GALNT17: variants seen among roughly 807,000 people sequenced by gnomAD.
GALNT17 encodes the protein UDP-GalNAc:polypeptide N-acetylgalactosaminyltransferase-like 3.
In GALNT17, 29 loss-of-function variants were observed where a neutral mutation model predicts 63.7. That is an observed-to-expected ratio of 0.46 (90% confidence interval 0.34 to 0.62). The LOEUF (loss-of-function observed/expected upper bound fraction) is 0.62, where lower values mean the gene tolerates loss of function less well. Ranked by LOEUF, GALNT17 falls within the 20% of genes least tolerant of loss-of-function variation. The probability of loss-of-function intolerance (pLI) is 0.01; values close to 1 mark genes in which losing one functional copy is unlikely to be tolerated. For missense variants in GALNT17, 603 were observed against 799.6 expected (o/e 0.75, Z 2.97); for synonymous variants, 305 against 318.3 (o/e 0.96, Z 0.45).
chr7:71,304,258 C>G (rs533746404), intron 1 of GALNT17, among the ~76,000 whole-genome samples: 5 of 152,300 alleles, frequency 3.3e-5, no homozygotes, highest in African/African-American at 1.2e-4. Context: ...ACATTTACAA[C>G]GTGCCAGCAT....
At chr7:71,175,149 C>CTTCT (rs113351935) in intron 1 of GALNT17, among the ~76,000 whole-genome samples, 57 of 151,640 alleles carry the variant, frequency 3.8e-4, no homozygotes, top group African/African-American at 1.3e-3. Flanking sequence ...TCCATCCATT[C>CTTCT]TTCTTTCTTT....
chr7:71,598,583 G>A (rs1323417524), intron 6 of GALNT17, among the ~76,000 whole-genome samples: 1 of 152,178 alleles, frequency 6.6e-6, no homozygotes, highest in Non-Finnish European at 1.5e-5. Flanking sequence ...CAGATAGAAA[G>A]ACCTAGGAGA....
chr7:71,618,289 C>T (rs971730098), intron 6 of GALNT17, among the ~76,000 whole-genome samples: 2 of 152,144 alleles, frequency 1.3e-5, no homozygotes, highest in Non-Finnish European at 2.9e-5. Flanking sequence ...GTGCAGGTGT[C>T]TTTTTGGTAG....
At chr7:71,638,725 C>T (rs1183971622) in intron 6 of GALNT17, among the ~76,000 whole-genome samples, 2 of 152,226 alleles carry the variant, frequency 1.3e-5, no homozygotes, top group Non-Finnish European at 1.5e-5. Context: ...ACCTGCCATC[C>T]AAAGAGTAGG....
chr7:71,331,477 G>A (rs1791807161), intron 1 of GALNT17, among the ~76,000 whole-genome samples: 1 of 152,146 alleles, frequency 6.6e-6, no homozygotes, highest in South Asian at 2.1e-4. Flanking sequence ...GGAGGCCAAG[G>A]TGGGAGAATC....
At chr7:71,583,261 A>G (rs12533263) in intron 6 of GALNT17, among the ~76,000 whole-genome samples, 71,964 of 151,836 alleles carry the variant, frequency 0.47, 20,245 homozygotes, top group East Asian at 0.75. Context: ...CGCCCGGCTA[A>G]TTTTTTGTAT....
At chr7:71,685,696 C>CCCTGG (rs1791343024) in intron 9 of GALNT17, 1 of 152,074 alleles carries the variant, frequency 6.6e-6, no homozygotes, top group Non-Finnish European at 1.5e-5. Context: ...GCTGAATCAA[C>CCCTGG]CCTGGCGATC....
intron 6 of GALNT17, among the ~76,000 whole-genome samples, chr7:71,655,480 C>G (rs988726999): frequency 6.6e-6 from 1 of 152,136 alleles, no homozygotes; most frequent in Non-Finnish European, 1.5e-5. Context: ...GCAGCCTCTG[C>G]GGTCTGCTGT....
chr7:71,586,713 G>T (rs562299466), intron 6 of GALNT17, among the ~76,000 whole-genome samples: 1 of 151,288 alleles, frequency 6.6e-6, no homozygotes, highest in East Asian at 1.9e-4. Flanking sequence ...ACACTGAAAG[G>T]ATTCTTTTAT....
chr7:71,711,463 A>G (rs993296527), intron 10 of GALNT17, among the ~76,000 whole-genome samples: 1 of 151,954 alleles, frequency 6.6e-6, no homozygotes, highest in African/African-American at 2.4e-5. Flanking sequence ...GCCAGGCGCC[A>G]TGATAGTTAA....
chr7:71,276,229 G>A (rs1400022123), intron 1 of GALNT17, among the ~76,000 whole-genome samples: 1 of 152,156 alleles, frequency 6.6e-6, no homozygotes, highest in Non-Finnish European at 1.5e-5. Context: ...AGGGCAGGTG[G>A]CTGCAGGGGT....
At chr7:71,453,900 A>G (rs1010316692) in intron 5 of GALNT17, among the ~76,000 whole-genome samples, 3 of 152,014 alleles carry the variant, frequency 2.0e-5, no homozygotes, top group African/African-American at 7.2e-5. Context: ...TGGTTCTGGC[A>G]TTCCAGCTCC....
At chr7:71,526,813 C>G (rs1405708876) in intron 5 of GALNT17, among the ~76,000 whole-genome samples, 2 of 152,168 alleles carry the variant, frequency 1.3e-5, no homozygotes, top group Non-Finnish European at 2.9e-5. Context: ...TGCACCTGGC[C>G]AATTACGTGT....
chr7:71,430,243 GA>G (rs1786837448), intron 5 of GALNT17, among the ~76,000 whole-genome samples: 1 of 152,158 alleles, frequency 6.6e-6, no homozygotes, highest in East Asian at 1.9e-4. Context: ...TATATATGGG[GA>G]AAAGAGTGAG....
chr7:71,403,968 A>C (rs946748820), intron 3 of GALNT17, among the ~76,000 whole-genome samples: 2 of 152,196 alleles, frequency 1.3e-5, no homozygotes, highest in Admixed American at 1.3e-4. Flanking sequence ...CCTGTAGACA[A>C]ATTTGATTGC....
intron 1 of GALNT17, among the ~76,000 whole-genome samples, chr7:71,147,078 C>T (rs1788037890): frequency 1.3e-5 from 2 of 152,132 alleles, no homozygotes; most frequent in Admixed American, 6.6e-5. Flanking sequence ...TACTTTATTT[C>T]TAGGGACCAA....
In GALNT17 at chr7:71,538,190, G is replaced by C. The variant is rs547396015; in HGVS notation, c.963-33095G>C. 1.4e-4 allele frequency among the ~76,000 whole-genome samples: 21 copies of C among 152,292 alleles called. 1 individual carries two copies. The South Asian group carries it at 4.4e-3, about 32-fold the overall frequency. ...GATAATTTTGTACTTAGAACACTTC[G>C]AGTGGTTAAAGATATTTAAGATGAA... On this transcript the variant is annotated intron_variant, in intron 5 of 10. Coordinates refer to ENST00000333538, the MANE Select transcript of GALNT17 (RefSeq NM_022479.3).
chr7:71,152,275 C>T (rs962542593), intron 1 of GALNT17, among the ~76,000 whole-genome samples: 3 of 152,070 alleles, frequency 2.0e-5, no homozygotes, highest in African/African-American at 7.2e-5. Flanking sequence ...CATCCTTGGG[C>T]TGCGTTTACT....
At chr7:71,540,794 TGAC>T (rs1303986449) in intron 5 of GALNT17, among the ~76,000 whole-genome samples, 1 of 152,182 alleles carries the variant, frequency 6.6e-6, no homozygotes, top group Non-Finnish European at 1.5e-5. Context: ...CTGCCCCTGA[TGAC>T]AGCATTCACC....
Sources: gnomAD v4.1 joint callset for allele counts (sites outside exome capture counted in the v4.1 genomes callset) on GRCh38, gnomAD v4.1.1 for gene constraint, MANE v1.5 for transcripts, NCBI Gene and HGNC (gene_info 2026-07-23, HGNC 2026-07-21) for gene names.